P3H2: variants seen among roughly 807,000 people sequenced by gnomAD.
P3H2 encodes the protein prolyl 3-hydroxylase 2, also known as leprecan-like 1.
In P3H2, 80 loss-of-function variants were observed where a neutral mutation model predicts 87.0. The ratio of observed to expected loss-of-function variants is 0.92; its 90% CI spans 0.77 to 1.11. The LOEUF (loss-of-function observed/expected upper bound fraction) is 1.11. Ranked by LOEUF, P3H2 falls within the 50% of genes least tolerant of loss-of-function variation. The probability of loss-of-function intolerance (pLI) is 0.00; values close to 1 mark genes in which losing one functional copy is unlikely to be tolerated. For synonymous variants in P3H2, 367 were observed against 359.3 expected (o/e 1.02, Z -0.24); for missense variants, 1,001 against 923.9 (o/e 1.08, Z -1.08).
rs143389733 is a variant in P3H2 at position 190,056,248 on chromosome 3, T to C, written c.481-60806A>G. On this transcript the variant is annotated intron_variant, in intron 1 of 14. Coordinates refer to ENST00000319332, the MANE Select transcript of P3H2 (RefSeq NM_018192.4). Reference sequence around the variant, plus strand: ...ACTTCTAGAACTGTGAAAAAATAAATGTCTGTTGTTCAAGTCATCCAGACT... The same window carrying C: ...ACTTCTAGAACTGTGAAAAAATAAACGTCTGTTGTTCAAGTCATCCAGACT... Among the ~76,000 whole-genome samples, 37 of 152,290 alleles carry C rather than the reference T, an allele frequency of 2.4e-4. 1 individual carries two copies. Among genetic ancestry groups the C allele is most frequent in the African/African-American group, 8.7e-4 (36 of 41,544 alleles).
chr3:190,076,266 G>GCA (rs1306015338), intron 1 of P3H2, among the ~76,000 whole-genome samples: 1 of 152,084 alleles, frequency 6.6e-6, no homozygotes, highest in African/African-American at 2.4e-5. Context: ...TTTGGCAGGA[G>GCA]CACACTCTGG....
At chr3:189,991,834 T>C (rs1376434928) in intron 3 of P3H2, among the ~76,000 whole-genome samples, 3 of 152,226 alleles carry the variant, frequency 2.0e-5, no homozygotes, top group African/African-American at 7.2e-5. Flanking sequence ...GAGCAGAATT[T>C]TGTTTTTTTA....
chr3:190,003,937 C>A (rs1724298429), intron 1 of P3H2, among the ~76,000 whole-genome samples: 1 of 152,342 alleles, frequency 6.6e-6, no homozygotes, highest in African/African-American at 2.4e-5. Context: ...AAAGTTTATT[C>A]TGAAGGTAGT....
intron 1 of P3H2, among the ~76,000 whole-genome samples, chr3:190,066,143 G>GTGTATATATATATATATATATATATA (rs58939026): frequency 7.2e-6 from 1 of 138,758 alleles, no homozygotes; most frequent in African/African-American, 2.9e-5. Flanking sequence ...ACTGTGGTGT[G>GTGTATATATATATATATATATATATA]TATATATATA....
chr3:190,080,786 G>A (rs1022200276), intron 1 of P3H2, among the ~76,000 whole-genome samples: 2 of 152,062 alleles, frequency 1.3e-5, no homozygotes, highest in African/African-American at 4.8e-5. Context: ...ACAAACAAAA[G>A]AAAAACATAT....
intron 1 of P3H2, among the ~76,000 whole-genome samples, chr3:190,110,012 C>T (rs1712010611): frequency 6.6e-6 from 1 of 151,930 alleles, no homozygotes; most frequent in African/African-American, 2.4e-5. Context: ...CCACACTTGG[C>T]TAATTCTTGT....
intron 1 of P3H2, among the ~76,000 whole-genome samples, chr3:190,039,133 G>A (rs1368830187): frequency 6.8e-6 from 1 of 147,696 alleles, no homozygotes; most frequent in Non-Finnish European, 1.5e-5. Context: ...AGGTTGCGGT[G>A]AGCCGAGATC....
chr3:190,095,804 A>C (rs189325389), intron 1 of P3H2, among the ~76,000 whole-genome samples: 7 of 151,940 alleles, frequency 4.6e-5, no homozygotes, highest in South Asian at 2.1e-4. Flanking sequence ...GGGTTTCACC[A>C]TGTTAGCCAG....
chr3:189,980,546 G>C (rs915965420), intron 8 of P3H2, among the ~76,000 whole-genome samples: 3 of 151,514 alleles, frequency 2.0e-5, no homozygotes, highest in Admixed American at 6.6e-5. Flanking sequence ...CTGGGGGACA[G>C]AGCGAGACTC....
chr3:189,999,922 T>C (rs9989993), intron 1 of P3H2, among the ~76,000 whole-genome samples: 1,937 of 152,322 alleles, frequency 0.013, 48 homozygotes, highest in African/African-American at 0.045. Context: ...GTAGTCATAC[T>C]GTATGGACAA....
intron 1 of P3H2, among the ~76,000 whole-genome samples, chr3:190,067,269 T>G (rs1264517193): frequency 6.6e-6 from 1 of 152,140 alleles, no homozygotes; most frequent in Non-Finnish European, 1.5e-5. Flanking sequence ...AAGAAATATT[T>G]ACTAAATAAA....
At chr3:189,974,501 G>C in intron 9 of P3H2, 57 bp downstream of exon 9, 1 of 1,610,634 alleles carries the variant, frequency 6.2e-7, no homozygotes, top group Admixed American at 1.7e-5. Context: ...GACCAAAGCA[G>C]TTCCAGCTTC....
chr3:189,994,308 A>ACAAG, intron 2 of P3H2, 25 bp from the exon 3 acceptor site: 1 of 1,423,104 alleles, frequency 7.0e-7, no homozygotes, highest in Non-Finnish European at 9.8e-7. Flanking sequence ...ACGGGAAAAA[A>ACAAG]CAAACAAACA....
In P3H2 at chr3:190,120,246, G is replaced by C. The variant is rs375171350; in HGVS notation, c.480+6C>G. Reference sequence around the variant, plus strand: ...GCTTTGCAGTGGAGGAGCGCTCTGTGGGTACCTTGATGTAGGCCCGCTGCA... The same window carrying C: ...GCTTTGCAGTGGAGGAGCGCTCTGTCGGTACCTTGATGTAGGCCCGCTGCA... On this transcript the variant is annotated splice_donor_region_variant and intron_variant, in intron 1 of 14. Transcript: ENST00000319332. 6 of 1,609,158 alleles carry C rather than the reference G, an allele frequency of 3.7e-6. No individual in the cohort carries two copies. In the African/African-American group the frequency reaches 8.0e-5, roughly 21 times the overall value.
intron 1 of P3H2, among the ~76,000 whole-genome samples, chr3:190,050,438 G>A (rs556384214): frequency 4.6e-5 from 7 of 152,252 alleles, no homozygotes; most frequent in Admixed American, 1.3e-4. Flanking sequence ...AAGACATGGG[G>A]CTTCAAAATG....
intron 1 of P3H2, among the ~76,000 whole-genome samples, chr3:190,103,225 T>G (rs537857572): frequency 6.6e-6 from 1 of 152,242 alleles, no homozygotes. Flanking sequence ...GACAAACCTA[T>G]GTCCTAGGAG....
chr3:189,986,900 A>AG (rs763348307), intron 5 of P3H2, 23 bp from the exon 6 acceptor site: 23 of 1,517,550 alleles, frequency 1.5e-5, no homozygotes, highest in Non-Finnish European at 2.0e-5. Context: ...AAGTAAAGAA[A>AG]GACATTTTTT....
At chr3:190,102,606 A>T (rs1302773180) in intron 1 of P3H2, among the ~76,000 whole-genome samples, 1 of 152,240 alleles carries the variant, frequency 6.6e-6, no homozygotes, top group Non-Finnish European at 1.5e-5. Flanking sequence ...AGGATGAGCA[A>T]AAAAAGTGGT....
At chr3:189,979,607 C>T (rs1249558979) in intron 8 of P3H2, among the ~76,000 whole-genome samples, 1 of 151,970 alleles carries the variant, frequency 6.6e-6, no homozygotes, top group East Asian at 1.9e-4. Context: ...GTTTATTCCC[C>T]AACATTGTTT....
Sources: allele counts gnomAD v4.1 joint callset (sites outside exome capture counted in the v4.1 genomes callset), GRCh38; gene constraint gnomAD v4.1.1; transcripts MANE v1.5; gene names NCBI Gene and HGNC (gene_info 2026-07-23, HGNC 2026-07-21).